Variants in NEK4 observed in about 807,000 individuals in gnomAD.
NEK4 encodes serine/threonine-protein kinase Nek4.
Under a neutral mutation model 98.4 loss-of-function variants are expected in NEK4, and 86 were observed. That is an observed-to-expected ratio of 0.87 (90% CI 0.73 to 1.05). NEK4 has a LOEUF of 1.05. NEK4 is among the 50% of genes least tolerant of loss of function. NEK4 has a pLI of 0.00. For missense variants in NEK4, 898 were observed against 950.3 expected (o/e 0.94, Z 0.72); for synonymous variants, 328 against 342.2 (o/e 0.96, Z 0.46).
chr3:52,733,191 C>A, intron 15 of NEK4: 1 of 217,456 alleles, frequency 4.6e-6, no homozygotes, highest in Middle Eastern at 7.7e-4. Context: ...TGCAGATAAA[C>A]TTTACAAATG....
At chr3:52,729,266 CCT>C (rs1307361901) in intron 15 of NEK4, among the ~76,000 whole-genome samples, 3 of 152,196 alleles carry the variant, frequency 2.0e-5, no homozygotes, top group African/African-American at 7.2e-5. Flanking sequence ...TACAAAAATT[CCT>C]CTCTTTGTAC....
intron 15 of NEK4, among the ~76,000 whole-genome samples, chr3:52,724,553 ATT>A (rs1491272182): frequency 0.46 from 68,987 of 151,568 alleles, 15,957 homozygotes; most frequent in African/African-American, 0.52. Flanking sequence ...GTGGGTTGAA[ATT>A]ATGACAATAA....
At position 52,763,610 on chromosome 3, in the gene NEK4, T is replaced by C; in HGVS notation, c.681A>G (p.Pro227=). 2 of 1,592,770 alleles carry C rather than the reference T, an allele frequency of 1.3e-6. No individual in the cohort carries two copies. The highest frequency in any genetic ancestry group is 1.7e-6 in the Non-Finnish European group (2 of 1,170,846). The change falls in exon 5 of 16, where the codon CCA becomes CCG. Residue 227 remains proline, a synonymous_variant. Coordinates refer to ENST00000233027, the MANE Select transcript of NEK4 (RefSeq NM_003157.6). ...RIIEGKLPPM[P]RDYSPELAEL... The stretch of plus-strand genomic sequence containing the variant: ...CTGCCAGCTCTGGGCTGTAATCTCT[T>C]GGCATTGGTGGCAGCTACAAATAAA...
intron 7 of NEK4, among the ~76,000 whole-genome samples, chr3:52,750,589 C>G (rs1447926881): frequency 6.6e-6 from 1 of 152,074 alleles, no homozygotes; most frequent in African/African-American, 2.4e-5. Flanking sequence ...CACATGCACA[C>G]ACACACAGGC....
intron 15 of NEK4, among the ~76,000 whole-genome samples, chr3:52,721,509 C>T (rs1304234922): frequency 6.6e-6 from 1 of 152,086 alleles, no homozygotes; most frequent in Non-Finnish European, 1.5e-5. Flanking sequence ...AGGAGAATTG[C>T]TTGAGCCCAG....
At chr3:52,762,651 G>A (rs1009443008) in intron 5 of NEK4, among the ~76,000 whole-genome samples, 6 of 152,200 alleles carry the variant, frequency 3.9e-5, no homozygotes, top group Non-Finnish European at 5.9e-5. Flanking sequence ...GGGAGGCCGA[G>A]GTGGGCGGAC....
At chr3:52,728,893 C>G (rs2097367045) in intron 15 of NEK4, among the ~76,000 whole-genome samples, 2 of 152,114 alleles carry the variant, frequency 1.3e-5, no homozygotes, top group Non-Finnish European at 2.9e-5. Flanking sequence ...ATGCCCTGGT[C>G]TCCTGCAGTA....
At chr3:52,752,954 A>ACACACACACACACACACACACACACAC (rs1315107149) in intron 6 of NEK4, among the ~76,000 whole-genome samples, 4 of 137,384 alleles carry the variant, frequency 2.9e-5, no homozygotes, top group African/African-American at 8.4e-5. Flanking sequence ...ACACACACAC[A>ACACACACACACACACACACACACACAC]ATGGAATATT....
chr3:52,717,822 C>T (rs2097356594), intron 15 of NEK4, among the ~76,000 whole-genome samples: 1 of 152,084 alleles, frequency 6.6e-6, no homozygotes, highest in African/African-American at 2.4e-5. Flanking sequence ...CAGAGTCTCT[C>T]TCTGTCATCC....
At chr3:52,726,013 A>T (rs1013505934) in intron 15 of NEK4, among the ~76,000 whole-genome samples, 2 of 152,160 alleles carry the variant, frequency 1.3e-5, no homozygotes, top group South Asian at 4.1e-4. Flanking sequence ...GCAATTAAAA[A>T]TTTTGAAAAA....
At position 52,768,460 on chromosome 3, in the gene NEK4, A is replaced by G. The variant is rs1698657224; in HGVS notation, c.238T>C (p.Tyr80His). The change falls in exon 2 of 16, where the codon TAC becomes CAC. Residue 80 changes from tyrosine (Y) to histidine (H), a missense_variant. By Grantham distance (83) the Tyr-to-His change is moderately conservative. Coordinates refer to ENST00000233027, the MANE Select transcript of NEK4 (RefSeq NM_003157.6). ...ESWEGGDGLLYIVMGFCEGGD... is the reference protein window; with the variant it reads ...ESWEGGDGLLHIVMGFCEGGD... ...CCTTCACAGAAGCCCATGACAATGT[A>G]GAGCAGACCATCTCCTCCTTCCCAT... is the stretch of plus-strand genomic sequence containing the variant. 1 of 1,614,188 alleles carries G rather than the reference A, an allele frequency of 6.2e-7. No individual in the cohort carries two copies. Among genetic ancestry groups the G allele is most frequent in the Non-Finnish European group, 8.5e-7 (1 of 1,180,034 alleles).
At chr3:52,757,652 G>A (rs1280876456) in intron 6 of NEK4, among the ~76,000 whole-genome samples, 1 of 151,988 alleles carries the variant, frequency 6.6e-6, no homozygotes, top group Non-Finnish European at 1.5e-5. Flanking sequence ...CAAAAAAGGT[G>A]GAAACAACAC....
intron 6 of NEK4, chr3:52,754,626 G>A (rs545862900): frequency 1.7e-5 from 14 of 814,836 alleles, no homozygotes; most frequent in Middle Eastern, 4.0e-4. Flanking sequence ...ACGTGTCGCC[G>A]GCCTGTCATA....
chr3:52,757,472 C>T (rs182188297), intron 6 of NEK4, among the ~76,000 whole-genome samples: 17 of 151,520 alleles, frequency 1.1e-4, no homozygotes, highest in Non-Finnish European at 2.2e-4. Context: ...GCAGGAGAAT[C>T]GCTTGAACCT....
intron 2 of NEK4, among the ~76,000 whole-genome samples, chr3:52,766,650 T>C (rs1186551742): frequency 6.6e-6 from 1 of 152,264 alleles, no homozygotes; most frequent in Non-Finnish European, 1.5e-5. Context: ...CCCTGGTAGC[T>C]TGACAATTAT....
At chr3:52,737,491 A>T in intron 15 of NEK4, 95 bp downstream of exon 15, 1 of 1,287,560 alleles carries the variant, frequency 7.8e-7, no homozygotes, top group Non-Finnish European at 1.1e-6. Flanking sequence ...TATACACTTT[A>T]GATGAGTGAA....
intron 6 of NEK4, among the ~76,000 whole-genome samples, chr3:52,758,178 C>CAAAAAAAAAA (rs35117059): frequency 3.8e-4 from 24 of 62,768 alleles, no homozygotes; most frequent in South Asian, 7.1e-4. Context: ...GACACCATCT[C>CAAAAAAAAAA]AAAAAAAAAA....
chr3:52,739,672 T>C, intron 13 of NEK4, 38 bp from the exon 14 acceptor site: 2 of 1,540,154 alleles, frequency 1.3e-6, no homozygotes, highest in South Asian at 2.3e-5. Context: ...TTTAATTGGC[T>C]TCATGAGAAT....
chr3:52,714,499 C>T (rs1449464491), intron 15 of NEK4, among the ~76,000 whole-genome samples: 1 of 152,194 alleles, frequency 6.6e-6, no homozygotes, highest in African/African-American at 2.4e-5. Context: ...TTCGCATGGT[C>T]GGGACCCGCC....
Sources: allele counts gnomAD v4.1 joint callset (sites outside exome capture counted in the v4.1 genomes callset), GRCh38; gene constraint gnomAD v4.1.1; transcripts MANE v1.5; gene names NCBI Gene and HGNC (gene_info 2026-07-23, HGNC 2026-07-21).